Variants in GRM1 observed in about 807,000 individuals in gnomAD.
The protein encoded by GRM1 is metabotropic glutamate receptor 1.
In GRM1, 33 loss-of-function variants were observed where a neutral mutation model predicts 90.9. The ratio of observed to expected loss-of-function variants is 0.36; its 90% CI spans 0.28 to 0.49. The LOEUF (loss-of-function observed/expected upper bound fraction) is 0.49, where lower values mean the gene tolerates loss of function less well. Ranked by LOEUF, GRM1 falls within the 20% of genes least tolerant of loss-of-function variation. The probability of loss-of-function intolerance (pLI) is 0.99; values close to 1 mark genes in which losing one functional copy is unlikely to be tolerated. For missense variants in GRM1, 1,190 were observed against 1,534.3 expected (o/e 0.78, Z 3.75); for synonymous variants, 700 against 613.2 (o/e 1.14, Z -2.09).
intron 2 of GRM1, among the ~76,000 whole-genome samples, chr6:146,219,191 A>G (rs935964482): frequency 3.9e-5 from 6 of 152,218 alleles, no homozygotes; most frequent in African/African-American, 1.4e-4. Context: ...AATTTGAAGT[A>G]GTTTTTTAAA....
chr6:146,210,188 G>A (rs1238233381), intron 2 of GRM1, among the ~76,000 whole-genome samples: 1 of 152,108 alleles, frequency 6.6e-6, no homozygotes, highest in Non-Finnish European at 1.5e-5. Flanking sequence ...GAGAAGCATG[G>A]CCTTGAGGGA....
chr6:146,086,272 C>T (rs557931754), intron 1 of GRM1, among the ~76,000 whole-genome samples: 9 of 152,098 alleles, frequency 5.9e-5, no homozygotes, highest in Non-Finnish European at 1.0e-4. Flanking sequence ...GCTCCTCTTG[C>T]CCAGGTCATT....
chr6:146,243,609 G>A (rs931156375), intron 2 of GRM1, among the ~76,000 whole-genome samples: 14 of 152,034 alleles, frequency 9.2e-5, no homozygotes, highest in Non-Finnish European at 1.3e-4. Context: ...TGCTTCATAA[G>A]GTAATAAAAT....
intron 2 of GRM1, among the ~76,000 whole-genome samples, chr6:146,178,595 AG>A (rs1353741539): frequency 6.6e-6 from 1 of 152,200 alleles, no homozygotes. Flanking sequence ...CAGAAAGCAA[AG>A]GTGTCACTAT....
intron 2 of GRM1, among the ~76,000 whole-genome samples, chr6:146,220,008 A>G (rs541945917): frequency 1.6e-4 from 24 of 152,170 alleles, no homozygotes; most frequent in African/African-American, 5.8e-4. Flanking sequence ...GGTAGAAAAG[A>G]ACAGATGACC....
chr6:146,174,941 TG>T (rs1778281416), intron 2 of GRM1, among the ~76,000 whole-genome samples: 1 of 152,164 alleles, frequency 6.6e-6, no homozygotes, highest in South Asian at 2.1e-4. Context: ...GACCTCTGTG[TG>T]GGGCCAGCCC....
chr6:146,352,413 G>A lies in GRM1; in HGVS notation c.1350G>A (p.Leu450=). The change falls in exon 4 of 8, where the codon CTG becomes CTA. Residue 450 remains leucine, a synonymous_variant. Transcript: ENST00000282753. ...DAMKPIDGSK[L]LDFLIKSSFI... Reference sequence around the variant, plus strand: ...TGAAGCCCATCGACGGCAGCAAGCTGCTGGACTTCCTCATCAAGTCCTCAT... The same window carrying A: ...TGAAGCCCATCGACGGCAGCAAGCTACTGGACTTCCTCATCAAGTCCTCAT... 2 of 1,614,014 alleles carry A rather than the reference G, an allele frequency of 1.2e-6. No homozygotes were observed. The highest frequency in any genetic ancestry group is 1.7e-6 in the Non-Finnish European group (2 of 1,179,852).
intron 3 of GRM1, among the ~76,000 whole-genome samples, chr6:146,337,680 G>A (rs1479678550): frequency 1.3e-5 from 2 of 151,920 alleles, no homozygotes; most frequent in African/African-American, 4.8e-5. Flanking sequence ...GCACAATGAT[G>A]TACTTGGTGA....
chr6:146,062,883 TC>T (rs1775722889), intron 1 of GRM1, among the ~76,000 whole-genome samples: 2 of 152,216 alleles, frequency 1.3e-5, no homozygotes, highest in Non-Finnish European at 2.9e-5. Context: ...ATTTTATATT[TC>T]TTCAAAACAC....
intron 1 of GRM1, among the ~76,000 whole-genome samples, chr6:146,059,169 A>C (rs1301332108): frequency 6.6e-6 from 1 of 152,196 alleles, no homozygotes; most frequent in African/African-American, 2.4e-5. Flanking sequence ...ATCACCATCT[A>C]TGGCAGCTAT....
intron 3 of GRM1, among the ~76,000 whole-genome samples, chr6:146,338,389 G>A (rs368678091): frequency 2.0e-5 from 3 of 152,170 alleles, no homozygotes; most frequent in Non-Finnish European, 2.9e-5. Context: ...ATCTTATCCC[G>A]TTTGAATTCT....
intron 2 of GRM1, among the ~76,000 whole-genome samples, chr6:146,195,047 C>G (rs1375858189): frequency 6.6e-6 from 1 of 152,114 alleles, no homozygotes; most frequent in East Asian, 1.9e-4. Context: ...AAATGTTACC[C>G]ATTACTCTAA....
Position 146,038,306 on chromosome 6 carries a change from G to A in GRM1, c.700+8089G>A, listed in dbSNP as rs570923594. On this transcript the variant is annotated intron_variant, in intron 1 of 7. Transcript: ENST00000282753. The stretch of plus-strand genomic sequence containing the variant: ...ATAAGGATGAGAAAATTAGAGAAGG[G>A]TGGCTAGAGTTGAAATCCAGAGATC... Among the ~76,000 whole-genome samples, 4 of 151,954 alleles carry A rather than the reference G, an allele frequency of 2.6e-5. No individual in the cohort carries two copies. The East Asian group carries it at 7.8e-4, about 30-fold the overall frequency.
At chr6:146,305,884 A>G (rs1783562036) in intron 3 of GRM1, among the ~76,000 whole-genome samples, 1 of 152,248 alleles carries the variant, frequency 6.6e-6, no homozygotes, top group Non-Finnish European at 1.5e-5. Flanking sequence ...GGCAAATCAA[A>G]ACAGATCACA....
chr6:146,059,702 C>A (rs537722069), intron 1 of GRM1, among the ~76,000 whole-genome samples: 2 of 152,152 alleles, frequency 1.3e-5, no homozygotes, highest in Non-Finnish European at 2.9e-5. Flanking sequence ...TCACTTTCAT[C>A]AATTATCTTA....
At chr6:146,194,530 T>C (rs1779051433) in intron 2 of GRM1, among the ~76,000 whole-genome samples, 1 of 152,254 alleles carries the variant, frequency 6.6e-6, no homozygotes, top group East Asian at 1.9e-4. Context: ...GTTTCTTTTT[T>C]TACAACAAAC....
Position 146,373,661 on chromosome 6 carries a change from G to A in GRM1, c.1603-13229G>A, listed in dbSNP as rs75822150. On this transcript the variant is annotated intron_variant, in intron 5 of 7. Coordinates refer to ENST00000282753, the MANE Select transcript of GRM1 (RefSeq NM_001278064.2). ...TACTTTTTTATTTCCTTTTCACATT[G>A]TTCATTGTTGTTGACATATAGAAAT... Among the ~76,000 whole-genome samples the A allele has an allele frequency of 6.0e-3, 915 of 152,106 alleles. 33 individuals are homozygous for A. In the East Asian group the frequency reaches 0.1, roughly 17 times the overall value.
chr6:146,134,239 T>C lies in GRM1; in HGVS notation c.701-25109T>C, dbSNP rs569612236. Among the ~76,000 whole-genome samples the C allele has an allele frequency of 2.0e-5, 3 of 152,336 alleles. No individual in the cohort carries two copies. The South Asian group carries it at 6.2e-4, about 32-fold the overall frequency. ...CTACATGTGGGAACATAAGGAACCT[T>C]TCTGAGCCCCAGTTTTATTGTATGC... On this transcript the variant is annotated intron_variant, in intron 1 of 7. Transcript: ENST00000282753.
chr6:146,352,118 T>G, intron 3 of GRM1, 132 bp from the exon 4 acceptor site: 1 of 825,424 alleles, frequency 1.2e-6, no homozygotes, highest in Admixed American at 1.8e-5. Flanking sequence ...CTTGCACAGG[T>G]GGGCGTGGCT....
Sources: allele counts gnomAD v4.1 joint callset (sites outside exome capture counted in the v4.1 genomes callset), GRCh38; gene constraint gnomAD v4.1.1; transcripts MANE v1.5; gene names NCBI Gene and HGNC (gene_info 2026-07-23, HGNC 2026-07-21).